Variants in RAP1GAP observed in about 807,000 individuals in gnomAD.
RAP1GAP encodes rap1 GTPase-activating protein 1.
A neutral mutation model predicts 87.2 loss-of-function variants in RAP1GAP; 35 were observed. That is an observed-to-expected ratio of 0.40 (90% CI 0.31 to 0.53). The LOEUF is 0.53. RAP1GAP is among the 20% of genes least tolerant of loss of function. The probability of loss-of-function intolerance (pLI) is 0.48; values close to 1 mark genes in which losing one functional copy is unlikely to be tolerated. For synonymous variants in RAP1GAP, 375 were observed against 363.9 expected (o/e 1.03, Z -0.35); for missense variants, 734 against 898.9 (o/e 0.82, Z 2.35).
Position 21,659,643 on chromosome 1 carries a change from G to T in RAP1GAP, c.-149+9611C>A, listed in dbSNP as rs867073342. ...GTGATCCTGACAACAGCCCCGTGAG[G>T]CTGATCCTGCAAGAGTTACATGTCT... is the stretch of plus-strand genomic sequence containing the variant. On this transcript the variant is annotated intron_variant, in intron 1 of 24. Coordinates refer to ENST00000374765, the MANE Select transcript of RAP1GAP (RefSeq NM_002885.4). 2.1e-3 allele frequency among the ~76,000 whole-genome samples: 313 copies of T among 152,352 alleles called. 1 individual carries two copies. Among genetic ancestry groups the T allele is most frequent in the African/African-American group, 7.1e-3 (295 of 41,580 alleles).
rs1367425348 is a variant in RAP1GAP at position 21,597,610 on chromosome 1, C to G, written c.*34+76G>C. ...CCACCCCAGAGAGGTGACAGAAGAA[C>G]AGGGAGGAATCAGCTCAGCCCTCTA... is the stretch of plus-strand genomic sequence containing the variant. On this transcript the variant is annotated intron_variant, in intron 24 of 24. Transcript: ENST00000374765. 1.3e-5 allele frequency: 18 copies of G among 1,371,456 alleles called. No individual in the cohort carries two copies. In the East Asian group the frequency reaches 4.3e-4, roughly 33 times the overall value. 85.0% of individuals were successfully genotyped at this position (1,371,456 alleles called of 1,614,324 possible).
rs751728482 is a variant in RAP1GAP at position 21,626,390 on chromosome 1, C to G, written c.-105G>C. ...TGAGGGAAGTGCTGGTTCTGCCCATCGCTCCTCCTGGAAGAGAAAGAGTCT... is the reference window on the plus strand; with the variant it reads ...TGAGGGAAGTGCTGGTTCTGCCCATGGCTCCTCCTGGAAGAGAAAGAGTCT... On this transcript the variant is annotated 5_prime_UTR_variant, in exon 3 of 25. Transcript: ENST00000374765. 5 of 1,612,202 alleles carry G rather than the reference C, an allele frequency of 3.1e-6. No homozygotes were observed. The highest frequency in any genetic ancestry group is 3.4e-6 in the Non-Finnish European group (4 of 1,178,606).
Position 21,613,784 on chromosome 1 carries a change from G to C in RAP1GAP, c.396-78C>G. 1.4e-6 allele frequency: 2 copies of C among 1,406,304 alleles called. No homozygotes were observed. Among genetic ancestry groups the C allele is most frequent in the Non-Finnish European group, 2.0e-6 (2 of 995,640 alleles). The allele number at this position is 1,406,304 out of a possible 1,614,324, so 87.1% of individuals were successfully genotyped here. A position where few individuals can be genotyped will look rare whatever the true frequency, so the allele number is the denominator to read the frequency against. ...GGAACCCCACCCCCCACAAAGTAAGGCCAGAAGGGGGTGGACCACAGCGAG... is the reference window on the plus strand; with the variant it reads ...GGAACCCCACCCCCCACAAAGTAAGCCCAGAAGGGGGTGGACCACAGCGAG... On this transcript the variant is annotated intron_variant, in intron 8 of 24. Transcript: ENST00000374765. This position sits in a 1 kb window ranked among gnomAD's most constrained non-coding sequence, Gnocchi z 4.7.
chr1:21,662,612 G>C (rs913883829), intron 1 of RAP1GAP, among the ~76,000 whole-genome samples: 1 of 152,112 alleles, frequency 6.6e-6, no homozygotes, highest in African/African-American at 2.4e-5. Context: ...TCAGGGCCAC[G>C]TCCTGCAGGT....
intron 2 of RAP1GAP, among the ~76,000 whole-genome samples, chr1:21,629,635 G>C (rs1412778924): frequency 6.6e-6 from 1 of 152,234 alleles, no homozygotes; most frequent in East Asian, 1.9e-4. Flanking sequence ...GAAACTGGAG[G>C]CTCTGGGCAC....
chr1:21,645,203 G>A (rs1484726359), intron 2 of RAP1GAP, among the ~76,000 whole-genome samples: 1 of 152,174 alleles, frequency 6.6e-6, no homozygotes, highest in Non-Finnish European at 1.5e-5. Flanking sequence ...CAGCTCTATC[G>A]CTCTGAGGCT....
chr1:21,602,692 G>T, intron 19 of RAP1GAP, 112 bp downstream of exon 19: 1 of 904,798 alleles, frequency 1.1e-6, no homozygotes. Context: ...TCACTAGTGG[G>T]GATGGAGAGG....
intron 1 of RAP1GAP, among the ~76,000 whole-genome samples, chr1:21,667,063 G>A (rs534131368): frequency 3.3e-5 from 5 of 152,180 alleles, no homozygotes; most frequent in South Asian, 2.1e-4. Flanking sequence ...CTGTATTTGC[G>A]TTTGTGTCTG....
intron 1 of RAP1GAP, among the ~76,000 whole-genome samples, chr1:21,661,031 C>T (rs891602080): frequency 6.6e-5 from 10 of 152,036 alleles, no homozygotes; most frequent in African/African-American, 2.2e-4. Flanking sequence ...GCAGGTGGAT[C>T]GCCTGAGGTC....
At chr1:21,618,660 A>T (rs983712139) in intron 5 of RAP1GAP, among the ~76,000 whole-genome samples, 17 of 152,166 alleles carry the variant, frequency 1.1e-4, no homozygotes, top group Non-Finnish European at 1.6e-4. Flanking sequence ...ACTGCTGGTC[A>T]TCACTGGTTT....
At chr1:21,660,430 T>C (rs1186198235) in intron 1 of RAP1GAP, among the ~76,000 whole-genome samples, 1 of 147,872 alleles carries the variant, frequency 6.8e-6, no homozygotes, top group Non-Finnish European at 1.5e-5. Flanking sequence ...GCCTCCAGGG[T>C]TCAAGCGATT....
chr1:21,617,251 G>A, intron 7 of RAP1GAP, 55 bp downstream of exon 7: 1 of 1,531,342 alleles, frequency 6.5e-7, no homozygotes. Flanking sequence ...CACCTCGAAT[G>A]GGGCTGAACT....
chr1:21,617,815 CCAGCCCG>C, intron 6 of RAP1GAP, 112 bp downstream of exon 6: 1 of 1,422,480 alleles, frequency 7.0e-7, no homozygotes, highest in African/African-American at 1.4e-5. Context: ...AATTAAGTCT[CCAGCCCG>C]CAGCAAGGCC....
intron 1 of RAP1GAP, chr1:21,651,433 C>T (rs1273526167): frequency 5.2e-6 from 3 of 574,494 alleles, no homozygotes; most frequent in East Asian, 4.5e-5. Flanking sequence ...TGCACACACA[C>T]GCGCGCACAC....
intron 1 of RAP1GAP, among the ~76,000 whole-genome samples, chr1:21,662,185 G>A (rs1334500465): frequency 6.6e-6 from 1 of 152,174 alleles, no homozygotes; most frequent in African/African-American, 2.4e-5. Context: ...TGTGCCCCTA[G>A]GTCCATCTCC....
intron 1 of RAP1GAP, among the ~76,000 whole-genome samples, chr1:21,654,487 T>C (rs2096780038): frequency 6.6e-6 from 1 of 152,248 alleles, no homozygotes; most frequent in South Asian, 2.1e-4. Flanking sequence ...TTACTAATGA[T>C]AAAGCACTGA....
intron 1 of RAP1GAP, among the ~76,000 whole-genome samples, chr1:21,654,772 C>T (rs1164085004): frequency 6.6e-6 from 1 of 151,906 alleles, no homozygotes; most frequent in Non-Finnish European, 1.5e-5. Context: ...GTTGAGGCTG[C>T]AGTGAGCCCT....
intron 2 of RAP1GAP, 72 bp downstream of exon 2, chr1:21,649,689 G>A (rs1327559465): frequency 6.8e-7 from 1 of 1,479,154 alleles, no homozygotes; most frequent in East Asian, 2.5e-5. Flanking sequence ...CGCAGGGGTA[G>A]GAATGGATTG....
intron 7 of RAP1GAP, 62 bp downstream of exon 7, chr1:21,617,244 C>T (rs1415931678): frequency 6.6e-7 from 1 of 1,523,710 alleles, no homozygotes; most frequent in East Asian, 2.5e-5. Flanking sequence ...CCAGGCCCAC[C>T]TCGAATGGGG....
Sources: gnomAD v4.1 joint callset for allele counts (sites outside exome capture counted in the v4.1 genomes callset) on GRCh38, gnomAD v4.1.1 for gene constraint, Gnocchi (gnomAD v3.1) non-coding constraint, MANE v1.5 for transcripts, NCBI Gene and HGNC (gene_info 2026-07-23, HGNC 2026-07-21) for gene names.